Variants in SND1 observed in about 807,000 individuals in gnomAD.
The protein encoded by SND1 is staphylococcal nuclease domain-containing protein 1.
A neutral mutation model predicts 121.7 loss-of-function variants in SND1; 38 were observed. The observed-to-expected ratio is 0.31, with a 90% CI of 0.24 to 0.41. The LOEUF (loss-of-function observed/expected upper bound fraction) is 0.41. Among genes scored for constraint, SND1 ranks in the 10% least tolerant of loss-of-function variants. The pLI is 1.00. For synonymous variants in SND1, 401 were observed against 447.4 expected (o/e 0.90, Z 1.31); for missense variants, 868 against 1,184.6 (o/e 0.73, Z 3.92).
At chr7:127,664,512 C>A (rs1167171980) in intron 1 of SND1, among the ~76,000 whole-genome samples, 2 of 152,162 alleles carry the variant, frequency 1.3e-5, no homozygotes, top group East Asian at 3.9e-4. Context: ...GCTGTGCACT[C>A]CACCCCCCAT....
intron 16 of SND1, among the ~76,000 whole-genome samples, chr7:128,018,789 A>ACAATATTAGCTT (rs1350032740): frequency 1.3e-5 from 2 of 152,182 alleles, no homozygotes; most frequent in African/African-American, 4.8e-5. Context: ...GCAGTAACTC[A>ACAATATTAGCTT]CAATATTAGC....
intron 18 of SND1, among the ~76,000 whole-genome samples, chr7:128,084,172 C>T (rs1048915711): frequency 1.3e-5 from 2 of 152,234 alleles, no homozygotes; most frequent in African/African-American, 4.8e-5. Context: ...ATTCCTCCCC[C>T]ACCTTCCATG....
intron 15 of SND1, among the ~76,000 whole-genome samples, chr7:127,954,446 G>A (rs1230852986): frequency 2.0e-5 from 3 of 151,974 alleles, no homozygotes; most frequent in African/African-American, 7.3e-5. Flanking sequence ...GGCTCCGATG[G>A]TCTCTTGAAG....
At chr7:127,973,824 G>A (rs1044736707) in intron 15 of SND1, among the ~76,000 whole-genome samples, 1 of 152,210 alleles carries the variant, frequency 6.6e-6, no homozygotes, top group Non-Finnish European at 1.5e-5. Context: ...TGTATTAAGT[G>A]GTCACTATGT....
intron 14 of SND1, 104 bp from the exon 15 acceptor site, chr7:127,929,084 G>A: frequency 9.0e-7 from 1 of 1,112,334 alleles, no homozygotes; most frequent in Admixed American, 2.1e-5. Context: ...TATAAATAGG[G>A]TTATTTGCTT....
rs1233585002 is a variant in SND1, at chr7:127,701,272, A to ATTGAAAACCATAC, written c.547_548insATACTTGAAAACC (p.Pro183HisfsTer3). 6.2e-7 allele frequency: 1 copy of ATTGAAAACCATAC among 1,613,980 alleles called. No individual in the cohort carries two copies. Among genetic ancestry groups the ATTGAAAACCATAC allele is most frequent in the African/African-American group, 1.3e-5 (1 of 74,932 alleles). Reference sequence around the variant, plus strand: ...TACTATCCGGGATCTCAAGTATACCATTGAAAACCCAAGGCACTTTGTGGA... The same window carrying ATTGAAAACCATAC: ...TACTATCCGGGATCTCAAGTATACCATTGAAAACCATACTTGAAAACCCAAGGCACTTTGTGGA... On this transcript the variant is annotated frameshift_variant, in exon 5 of 24. Coordinates refer to ENST00000354725, the MANE Select transcript of SND1 (RefSeq NM_014390.4). LOFTEE classifies it high-confidence loss of function.
rs200000137 is a variant in SND1 at position 127,887,895 on chromosome 7, G to C, written c.1344-7G>C. Reference sequence around the variant, plus strand: ...TAGTGCTCACTGACCTATCTTTTCTGTTGCAGAAACATTGCTGAGGCTCTT... The same window carrying C: ...TAGTGCTCACTGACCTATCTTTTCTCTTGCAGAAACATTGCTGAGGCTCTT... On this transcript the variant is annotated splice_polypyrimidine_tract_variant and splice_region_variant and intron_variant, in intron 12 of 23. Transcript: ENST00000354725. 12 of 1,604,452 alleles carry C rather than the reference G, an allele frequency of 7.5e-6. 1 individual carries two copies. Among genetic ancestry groups the C allele is most frequent in the Admixed American group, 6.7e-5 (4 of 59,792 alleles).
At chr7:127,666,468 A>C (rs989370457) in intron 1 of SND1, among the ~76,000 whole-genome samples, 5 of 152,198 alleles carry the variant, frequency 3.3e-5, no homozygotes, top group African/African-American at 1.2e-4. Context: ...GGTTGATGGC[A>C]CAAGGCTAAG....
At chr7:127,853,895 G>T (rs1400842437) in intron 12 of SND1, among the ~76,000 whole-genome samples, 1 of 152,120 alleles carries the variant, frequency 6.6e-6, no homozygotes, top group Non-Finnish European at 1.5e-5. Context: ...TTCTGAGTGT[G>T]ATTTCTAATT....
rs755781464 is a variant in SND1, at chr7:127,695,049, C to T, written c.349+101C>T. 6.4e-4 allele frequency: 915 copies of T among 1,433,326 alleles called. 2 individuals are homozygous for T. Among genetic ancestry groups the T allele is most frequent in the Non-Finnish European group, 7.1e-4 (751 of 1,054,848 alleles). 88.8% of individuals were successfully genotyped at this position (1,433,326 alleles called of 1,614,324 possible). A position where few individuals can be genotyped will look rare whatever the true frequency, so the allele number is the denominator to read the frequency against. On this transcript the variant is annotated intron_variant, in intron 3 of 23. Transcript: ENST00000354725. ...CCAGTGTGGGTTCTGGTGGAGGAAG[C>T]TCTAGGACAGTTGGCTGAAGGCATA...
At chr7:127,776,465 T>C (rs1367812316) in intron 10 of SND1, among the ~76,000 whole-genome samples, 2 of 151,966 alleles carry the variant, frequency 1.3e-5, no homozygotes, top group Admixed American at 1.3e-4. Context: ...AATATAAAAA[T>C]GAAAAAGTTC....
intron 16 of SND1, among the ~76,000 whole-genome samples, chr7:128,048,729 A>C (rs1223966759): frequency 6.6e-6 from 1 of 152,116 alleles, no homozygotes; most frequent in Non-Finnish European, 1.5e-5. Flanking sequence ...AAGCTATTAG[A>C]AAAGGGGCCA....
intron 10 of SND1, among the ~76,000 whole-genome samples, chr7:127,726,856 G>A (rs1481019838): frequency 6.6e-6 from 1 of 152,060 alleles, no homozygotes; most frequent in Non-Finnish European, 1.5e-5. Context: ...TAGGTTGCTG[G>A]GCCTTTTTCT....
intron 14 of SND1, among the ~76,000 whole-genome samples, chr7:127,919,503 G>T (rs1800655009): frequency 6.6e-6 from 1 of 152,156 alleles, no homozygotes; most frequent in Non-Finnish European, 1.5e-5. Context: ...GATAAAAATT[G>T]ATCTAAAACT....
chr7:128,027,570 A>G (rs529120187), intron 16 of SND1: 1 of 152,386 alleles, frequency 6.6e-6, no homozygotes, highest in East Asian at 1.9e-4. Flanking sequence ...CTAATGAATC[A>G]GCATTTAGAA....
chr7:127,678,176 A>C (rs1795647203), intron 1 of SND1, among the ~76,000 whole-genome samples: 1 of 152,218 alleles, frequency 6.6e-6, no homozygotes, highest in Non-Finnish European at 1.5e-5. Flanking sequence ...GCATAGTGGA[A>C]TATCAGGATT....
chr7:127,998,697 T>G (rs1262237025), intron 16 of SND1: 1 of 152,222 alleles, frequency 6.6e-6, no homozygotes, highest in Admixed American at 6.5e-5. Flanking sequence ...TCAAATCCCA[T>G]TCCAGCCCCT....
chr7:127,883,138 G>T (rs1486856894), intron 12 of SND1, among the ~76,000 whole-genome samples: 1 of 152,154 alleles, frequency 6.6e-6, no homozygotes, highest in Non-Finnish European at 1.5e-5. Flanking sequence ...TTGCCCAAAA[G>T]ATAGACGAGC....
chr7:127,848,604 G>A (rs776714317), intron 12 of SND1, among the ~76,000 whole-genome samples: 5 of 152,170 alleles, frequency 3.3e-5, no homozygotes, highest in Non-Finnish European at 5.9e-5. Flanking sequence ...TAATCTGTCG[G>A]CTTATATACC....
Sources: allele counts gnomAD v4.1 joint callset (sites outside exome capture counted in the v4.1 genomes callset), GRCh38; gene constraint gnomAD v4.1.1; transcripts MANE v1.5; gene names NCBI Gene and HGNC (gene_info 2026-07-23, HGNC 2026-07-21).